The following CCDC7 variants were observed in gnomAD, a reference collection of about 807,000 sequenced individuals.
CCDC7 encodes the protein coiled-coil domain-containing protein 7.
Under a neutral mutation model 196.9 loss-of-function variants are expected in CCDC7, and 183 were observed. The observed-to-expected ratio is 0.93, with a 90% CI of 0.82 to 1.05. The LOEUF (loss-of-function observed/expected upper bound fraction) is 1.05, where lower values mean the gene tolerates loss of function less well. Among genes scored for constraint, CCDC7 ranks in the 50% least tolerant of loss-of-function variants. The pLI is 0.00. For synonymous variants in CCDC7, 525 were observed against 484.6 expected (o/e 1.08, Z -1.10); for missense variants, 1,540 against 1,482.2 (o/e 1.04, Z -0.64).
intron 16 of CCDC7, 150 bp from the exon 18 acceptor site, chr10:32,582,884 C>T (rs1302804555): frequency 2.1e-5 from 9 of 435,584 alleles, no homozygotes; most frequent in Non-Finnish European, 3.4e-5. Flanking sequence ...AACTTGTTAC[C>T]TAGCATCAAT....
chr10:32,498,516 G>T (rs1391770782), intron 9 of CCDC7, among the ~76,000 whole-genome samples: 1 of 152,136 alleles, frequency 6.6e-6, no homozygotes, highest in Non-Finnish European at 1.5e-5. Context: ...GCAGTGGCTG[G>T]TACCGGTTAT....
At position 32,708,072 on chromosome 10, in the gene CCDC7, T is replaced by C. The variant is rs1591858525; in HGVS notation, c.2459-3548T>C. ...CATCACGCTACCTGACTTCAAACTA[T>C]ACTACAAGGCTACAGTAACCAAAAG... On this transcript the variant is annotated intron_variant, in intron 24 of 41. Coordinates refer to ENST00000639629, the Ensembl canonical transcript of CCDC7. Among the ~76,000 whole-genome samples, 3 of 151,968 alleles carry C rather than the reference T, an allele frequency of 2.0e-5. No homozygotes were observed. In the East Asian group the frequency reaches 5.8e-4, roughly 29 times the overall value.
Position 32,477,552 on chromosome 10 carries a change from GT to G in CCDC7, c.796+3542del, listed in dbSNP as rs35299864. On this transcript the variant is annotated intron_variant, in intron 8 of 41. Transcript: ENST00000639629. ...TGTAAAGTCTATGTCTAGAGTCATT[GT>G]TTTTTTTTTTTTGCATTTGGATGTC... Among the ~76,000 whole-genome samples, 177 of 142,104 alleles carry G rather than the reference GT, an allele frequency of 1.2e-3. 1 individual carries two copies. Among genetic ancestry groups the G allele is most frequent in the Middle Eastern group, 3.6e-3 (1 of 280 alleles). 93.2% of individuals were successfully genotyped at this position (142,104 alleles called of 152,430 possible). A position where few individuals can be genotyped will look rare whatever the true frequency, so the allele number is the denominator to read the frequency against.
At chr10:32,531,360 G>C (rs1227632530) in intron 11 of CCDC7, among the ~76,000 whole-genome samples, 6 of 152,166 alleles carry the variant, frequency 3.9e-5, no homozygotes, top group Non-Finnish European at 8.8e-5. Context: ...CTGGATGGAA[G>C]TGATCCTCCT....
intron 31 of CCDC7, among the ~76,000 whole-genome samples, chr10:32,817,415 A>G (rs1220346467): frequency 6.6e-6 from 1 of 152,246 alleles, no homozygotes; most frequent in African/African-American, 2.4e-5. Context: ...AACACTCTGT[A>G]GGATATTATC....
At chr10:32,653,761 G>A (rs574153422) in intron 20 of CCDC7, among the ~76,000 whole-genome samples, 19 of 152,236 alleles carry the variant, frequency 1.2e-4, no homozygotes, top group Non-Finnish European at 2.2e-4. Context: ...GCAATTTCTA[G>A]AAAACAATTT....
intron 9 of CCDC7, among the ~76,000 whole-genome samples, chr10:32,493,414 C>T (rs999151248): frequency 9.3e-5 from 14 of 150,226 alleles, no homozygotes; most frequent in African/African-American, 3.4e-4. Flanking sequence ...ATATCTTCCA[C>T]ATGTTCTTTA....
Position 32,801,265 on chromosome 10 carries a change from C to A in CCDC7, c.3014-3750C>A, listed in dbSNP as rs117435213. Among the ~76,000 whole-genome samples, 1,358 of 152,292 alleles carry A rather than the reference C, an allele frequency of 8.9e-3. 10 individuals are homozygous for A. The highest frequency in any genetic ancestry group is 0.02 in the Middle Eastern group (6 of 294). On this transcript the variant is annotated intron_variant, in intron 29 of 41. Transcript: ENST00000639629. ...ATGAGTAGGTCTAAAGTGACTAATCCACTCTAGCATCCTGATCTCCTAAGA... is the reference window on the plus strand; with the variant it reads ...ATGAGTAGGTCTAAAGTGACTAATCAACTCTAGCATCCTGATCTCCTAAGA...
chr10:32,520,483 C>T (rs1048478173), intron 11 of CCDC7, among the ~76,000 whole-genome samples: 3 of 151,970 alleles, frequency 2.0e-5, no homozygotes, highest in Non-Finnish European at 4.4e-5. Context: ...TGTTGAGGGC[C>T]TTTTTATATG....
intron 21 of CCDC7, among the ~76,000 whole-genome samples, chr10:32,666,111 ATTCTTT>A (rs1308879040): frequency 2.5e-5 from 3 of 120,926 alleles, no homozygotes; most frequent in Non-Finnish European, 5.0e-5. Context: ...TCTTTAGAGT[ATTCTTT>A]TTCTTTTTTT....
At chr10:32,558,161 T>C (rs1485704195) in intron 13 of CCDC7, among the ~76,000 whole-genome samples, 3 of 152,228 alleles carry the variant, frequency 2.0e-5, no homozygotes, top group Non-Finnish European at 4.4e-5. Context: ...TCTTAAGAAT[T>C]AGTTTCACTT....
chr10:32,454,840 C>T (rs1259413787), intron 2 of CCDC7, among the ~76,000 whole-genome samples: 3 of 152,184 alleles, frequency 2.0e-5, no homozygotes, highest in African/African-American at 7.2e-5. Flanking sequence ...CTTTCCCACT[C>T]AGTCTGTCCA....
At chr10:32,559,292 C>T (rs1246831356) in intron 13 of CCDC7, among the ~76,000 whole-genome samples, 1 of 152,214 alleles carries the variant, frequency 6.6e-6, no homozygotes, top group Non-Finnish European at 1.5e-5. Flanking sequence ...ACTTAAATGT[C>T]CCTGTCTGAC....
chr10:32,451,960 T>G (rs1205453655), intron 1 of CCDC7, 39 bp downstream of exon 2: 12 of 1,575,508 alleles, frequency 7.6e-6, no homozygotes, highest in Non-Finnish European at 1.0e-5. Context: ...AGGGCCCCCA[T>G]GATCACCCCA....
chr10:32,694,112 A>G (rs1048817278), intron 23 of CCDC7, among the ~76,000 whole-genome samples: 1 of 152,156 alleles, frequency 6.6e-6, no homozygotes, highest in Non-Finnish European at 1.5e-5. Flanking sequence ...GCTCCTTACA[A>G]TTTTGCTTTG....
At chr10:32,546,422 C>T (rs1356249139) in intron 13 of CCDC7, among the ~76,000 whole-genome samples, 11 of 152,240 alleles carry the variant, frequency 7.2e-5, no homozygotes, top group South Asian at 2.1e-4. Flanking sequence ...TTTTATCTAA[C>T]GATTATTTCC....
intron 13 of CCDC7, among the ~76,000 whole-genome samples, chr10:32,562,833 C>T (rs559901609): frequency 9.7e-4 from 147 of 152,210 alleles, no homozygotes; most frequent in Non-Finnish European, 1.8e-3. Context: ...AAAGGGTATT[C>T]AGTTAGGAAA....
chr10:32,881,719 C>A (rs1406856678), downstream of CCDC7, among the ~76,000 whole-genome samples: 1 of 152,064 alleles, frequency 6.6e-6, no homozygotes, highest in Non-Finnish European at 1.5e-5. Flanking sequence ...TCATGGTCAA[C>A]ATTTCTTTAC....
chr10:32,574,308 T>A (rs946150402), intron 16 of CCDC7: 7 of 519,408 alleles, frequency 1.3e-5, no homozygotes, highest in African/African-American at 6.3e-5. Flanking sequence ...AATTATTATA[T>A]ATTATATAAT....
Sources: allele counts gnomAD v4.1 joint callset (sites outside exome capture counted in the v4.1 genomes callset), GRCh38; gene constraint gnomAD v4.1.1; transcripts MANE v1.5; gene names NCBI Gene and HGNC (gene_info 2026-07-23, HGNC 2026-07-21).